LMNTD1: variants seen among roughly 807,000 people sequenced by gnomAD.
The protein encoded by LMNTD1 is lamin tail domain-containing protein 1.
Under a neutral mutation model 50.9 loss-of-function variants are expected in LMNTD1, and 35 were observed. The observed-to-expected ratio is 0.69, with a 90% CI of 0.53 to 0.91. The LOEUF is 0.91. LMNTD1 is among the 40% of genes least tolerant of loss of function. LMNTD1 has a pLI of 0.00. For synonymous variants in LMNTD1, 153 were observed against 161.9 expected, an observed-to-expected ratio of 0.94 and a Z score of 0.42; for missense variants, 470 against 475.5, an observed-to-expected ratio of 0.99 and a Z score of 0.11.
At chr12:25,487,366 T>C (rs1192062490) in intron 9 of LMNTD1, among the ~76,000 whole-genome samples, 2 of 135,808 alleles carry the variant, frequency 1.5e-5, no homozygotes, top group Non-Finnish European at 3.1e-5. Context: ...TCTTGTTGAA[T>C]TGATCCCTTT....
intron 4 of LMNTD1, among the ~76,000 whole-genome samples, chr12:25,537,827 G>A (rs1437150081): frequency 4.6e-5 from 7 of 151,322 alleles, no homozygotes; most frequent in Non-Finnish European, 5.9e-5. Context: ...AACTTTGAAA[G>A]AAATTTAGAA....
rs1491491402 is a variant in LMNTD1, at chr12:25,519,586, TCA to T, written c.1016+270_1016+271del. Among the ~76,000 whole-genome samples the T allele has an allele frequency of 1.4e-3, 108 of 74,940 alleles. 8 individuals carry two copies. Among genetic ancestry groups the T allele is most frequent in the African/African-American group, 3.2e-3 (50 of 15,438 alleles). The allele number at this position is 74,940 out of a possible 152,430, so 49.2% of individuals were successfully genotyped here. On this transcript the variant is annotated intron_variant, in intron 7 of 9. Transcript: ENST00000458174. The stretch of plus-strand genomic sequence containing the variant: ...CTGGGTGACAGAGCGAGACTCTGTC[TCA>T]AAAAAAAAAAAAAAAAAAAAGTGAA...
chr12:25,577,060 T>A (rs912718102), intron 1 of LMNTD1, among the ~76,000 whole-genome samples: 1 of 152,206 alleles, frequency 6.6e-6, no homozygotes, highest in Non-Finnish European at 1.5e-5. Flanking sequence ...TATCTCTGAT[T>A]TGGTACCAGT....
intron 1 of LMNTD1, among the ~76,000 whole-genome samples, chr12:25,625,723 G>A (rs952805311): frequency 1.3e-5 from 2 of 152,124 alleles, no homozygotes; most frequent in Non-Finnish European, 2.9e-5. Flanking sequence ...CTGACCTGGT[G>A]GTTGCCAGAG....
At chr12:25,618,714 A>G (rs1055192279) in intron 1 of LMNTD1, among the ~76,000 whole-genome samples, 5 of 152,216 alleles carry the variant, frequency 3.3e-5, no homozygotes, top group Non-Finnish European at 7.3e-5. Context: ...TTTAACATCA[A>G]TTTGAATACT....
At chr12:25,579,773 C>T (rs1037591902) in intron 1 of LMNTD1, among the ~76,000 whole-genome samples, 16 of 152,110 alleles carry the variant, frequency 1.1e-4, no homozygotes, top group Non-Finnish European at 2.9e-5. Context: ...CAACCAACCA[C>T]TACATATTAT....
At chr12:25,565,554 G>A (rs936219848) in intron 1 of LMNTD1, among the ~76,000 whole-genome samples, 69 of 152,094 alleles carry the variant, frequency 4.5e-4, no homozygotes, top group Non-Finnish European at 4.9e-4. Context: ...TCTGTGTCAT[G>A]AAAAGTTGTT....
At chr12:25,620,641 T>G (rs983898054) in intron 1 of LMNTD1, among the ~76,000 whole-genome samples, 1 of 152,086 alleles carries the variant, frequency 6.6e-6, no homozygotes, top group African/African-American at 2.4e-5. Flanking sequence ...GCAGGGCCAG[T>G]TTTCTTTTCT....
At chr12:25,611,717 T>G (rs1475788625) in intron 1 of LMNTD1, among the ~76,000 whole-genome samples, 2 of 152,252 alleles carry the variant, frequency 1.3e-5, no homozygotes, top group African/African-American at 4.8e-5. Context: ...CCATGAGTAC[T>G]GCTAAAATAT....
At chr12:25,566,538 T>C (rs1323290329) in intron 1 of LMNTD1, among the ~76,000 whole-genome samples, 1 of 152,254 alleles carries the variant, frequency 6.6e-6, no homozygotes, top group African/African-American at 2.4e-5. Flanking sequence ...ATCTCCACAC[T>C]GTTTTCCATA....
At chr12:25,518,725 AC>A in intron 8 of LMNTD1, 69 bp downstream of exon 8, 1 of 1,361,424 alleles carries the variant, frequency 7.3e-7, no homozygotes, top group Non-Finnish European at 1.0e-6. Context: ...TAACCACTTA[AC>A]CCACTAGTTA....
intron 1 of LMNTD1, among the ~76,000 whole-genome samples, chr12:25,627,172 G>A: frequency 6.6e-6 from 1 of 152,118 alleles, no homozygotes; most frequent in East Asian, 1.9e-4. Context: ...CCCTTTCAAG[G>A]GCCAGATTCT....
At chr12:25,637,986 T>C (rs1946872528) in intron 1 of LMNTD1, among the ~76,000 whole-genome samples, 1 of 151,948 alleles carries the variant, frequency 6.6e-6, no homozygotes, top group Non-Finnish European at 1.5e-5. Flanking sequence ...TAGCAACACA[T>C]ACACCATGAC....
chr12:25,627,807 T>C (rs1946623605), intron 1 of LMNTD1, among the ~76,000 whole-genome samples: 1 of 152,190 alleles, frequency 6.6e-6, no homozygotes, highest in Non-Finnish European at 1.5e-5. Flanking sequence ...GCCAATCCTT[T>C]TCTTTAAAAG....
intron 1 of LMNTD1, among the ~76,000 whole-genome samples, chr12:25,627,964 C>T (rs1946627122): frequency 6.6e-6 from 1 of 150,874 alleles, no homozygotes; most frequent in African/African-American, 2.4e-5. Flanking sequence ...AAAAATTAGC[C>T]GGGCATGGTG....
chr12:25,639,698 T>C (rs2136620941), intron 1 of LMNTD1, among the ~76,000 whole-genome samples: 1 of 152,320 alleles, frequency 6.6e-6, no homozygotes, highest in East Asian at 1.9e-4. Flanking sequence ...TGTACATTGT[T>C]TGTGGGAATG....
rs1329547488 is a variant in LMNTD1, at chr12:25,520,092, A to G, written c.799-17T>C. On this transcript the variant is annotated splice_polypyrimidine_tract_variant and intron_variant, in intron 6 of 9. Coordinates refer to ENST00000458174, the MANE Select transcript of LMNTD1 (RefSeq NM_001145728.2). ...CGCAATGGCCTAATGAAAATGATTT[A>G]TTAATGTTGGCTATGTATATTTGAG... is the stretch of plus-strand genomic sequence containing the variant. 6.5e-7 allele frequency: 1 copy of G among 1,535,242 alleles called. No individual in the cohort carries two copies. The highest frequency in any genetic ancestry group is 1.4e-5 in the African/African-American group (1 of 72,160).
At position 25,526,203 on chromosome 12, in the gene LMNTD1, A is replaced by G. The variant is rs147130460; in HGVS notation, c.694T>C (p.Ser232Pro). ...NSTVTVWAAA[S>P]EAKHQPPSDF... ...GATGGAGGTTGATGCTTTGCTTCAG[A>G]TGCTGCTGCCCACACCTGTAATAAA... is the stretch of plus-strand genomic sequence containing the variant. Residue 232 changes from serine (S) to proline (P), a missense_variant, in exon 6 of 10, where the codon TCT becomes CCT. Transcript: ENST00000458174. 322 of 1,610,282 alleles carry G rather than the reference A, an allele frequency of 2.0e-4. 2 individuals are homozygous for G. The East Asian group carries it at 5.8e-3, about 29-fold the overall frequency.
rs915403933 is a variant in LMNTD1 at position 25,612,697 on chromosome 12, A to G, written c.58+35797T>C. ...ACAGAAAAAGGAGTCTAGAGCTGGA[A>G]TGACTTTATATATATATATATTTTT... On this transcript the variant is annotated intron_variant, in intron 1 of 7. Transcript: ENST00000445693. Among the ~76,000 whole-genome samples the G allele has an allele frequency of 3.3e-4, 50 of 151,948 alleles. 1 individual carries two copies.
Sources: allele counts gnomAD v4.1 joint callset (sites outside exome capture counted in the v4.1 genomes callset), GRCh38; gene constraint gnomAD v4.1.1; transcripts MANE v1.5; gene names NCBI Gene and HGNC (gene_info 2026-07-23, HGNC 2026-07-21).